Variants in PCDHGB2 observed in about 807,000 individuals in gnomAD.
PCDHGB2 encodes protocadherin gamma subfamily B, 2, also known as protocadherin gamma-B2.
A neutral mutation model predicts 59.3 loss-of-function variants in PCDHGB2; 55 were observed. That is an observed-to-expected ratio of 0.93 (90% CI 0.75 to 1.16). PCDHGB2 has a LOEUF of 1.16. PCDHGB2 is among the 50% of genes most tolerant of loss of function. The pLI is 0.00. For missense variants in PCDHGB2, 1,228 were observed against 1,198.5 expected (o/e 1.02, Z -0.36); for synonymous variants, 516 against 512.0 (o/e 1.01, Z -0.11).
At chr5:141,453,377 T>TC (rs1242854086) in intron 1 of PCDHGB2, among the ~76,000 whole-genome samples, 3 of 152,072 alleles carry the variant, frequency 2.0e-5, no homozygotes, top group Admixed American at 2.0e-4. Context: ...CAAGTGATCC[T>TC]CCTGCCTTAG....
intron 1 of PCDHGB2, chr5:141,372,656 G>T: frequency 6.2e-7 from 1 of 1,613,956 alleles, no homozygotes; most frequent in Non-Finnish European, 8.5e-7. Flanking sequence ...CCTACAATCC[G>T]TGTGCTGCCT....
Position 141,415,142 on chromosome 5 carries a change from C to A in PCDHGB2, c.2421+52586C>A, listed in dbSNP as rs757516335. On this transcript the variant is annotated intron_variant, in intron 1 of 3. Coordinates refer to ENST00000522605, the MANE Select transcript of PCDHGB2 (RefSeq NM_018923.3). The stretch of plus-strand genomic sequence containing the variant: ...GTGGCCGTCCAGGACCACGGCCAGC[C>A]CCCTCTCTCCGCCACTGTCACGCTC... 10 of 1,613,732 alleles carry A rather than the reference C, an allele frequency of 6.2e-6. 1 individual carries two copies. In the South Asian group the frequency reaches 1.1e-4, roughly 18 times the overall value.
intron 1 of PCDHGB2, chr5:141,428,390 C>T (rs1043799152): frequency 8.0e-5 from 40 of 502,004 alleles, no homozygotes; most frequent in African/African-American, 6.6e-4. Context: ...TCTTCCAGCC[C>T]CTCTGCCTGG....
At chr5:141,498,089 A>G (rs1402239680) in intron 2 of PCDHGB2, among the ~76,000 whole-genome samples, 3 of 152,370 alleles carry the variant, frequency 2.0e-5, no homozygotes, top group South Asian at 2.1e-4. Context: ...GTAGAATTGT[A>G]TCTGGTGGTG....
intron 1 of PCDHGB2, among the ~76,000 whole-genome samples, chr5:141,444,482 T>G (rs1346576719): frequency 6.6e-6 from 1 of 152,000 alleles, no homozygotes; most frequent in Non-Finnish European, 1.5e-5. Context: ...CGTACTGGAT[T>G]TATATTGTGT....
At chr5:141,411,562 C>A (rs569842846) in intron 1 of PCDHGB2, 1 of 152,054 alleles carries the variant, frequency 6.6e-6, no homozygotes, top group Non-Finnish European at 1.5e-5. Context: ...CCAGCCTGGG[C>A]GACAGAGTGC....
At position 141,431,696 on chromosome 5, in the gene PCDHGB2, G is replaced by T; in HGVS notation, c.2422-63111G>T. ...AGGGGAGTTGGACCACGAGGAGTCA[G>T]GATTCTACCAGATGGAAGTGCAAGC... On this transcript the variant is annotated intron_variant, in intron 1 of 3. Transcript: ENST00000522605. The surrounding 1 kb of genome is among the most constrained non-coding windows in gnomAD (Gnocchi z 4.8). 6.2e-7 allele frequency: 1 copy of T among 1,614,238 alleles called. No individual in the cohort carries two copies. Among genetic ancestry groups the T allele is most frequent in the Non-Finnish European group, 8.5e-7 (1 of 1,180,038 alleles).
chr5:141,501,323 A>G (rs2099807887), intron 2 of PCDHGB2, among the ~76,000 whole-genome samples: 1 of 151,850 alleles, frequency 6.6e-6, no homozygotes, highest in East Asian at 1.9e-4. Flanking sequence ...ACACACACAC[A>G]CACACACACA....
chr5:141,420,187 C>G (rs1369031488), intron 1 of PCDHGB2: 1 of 1,613,706 alleles, frequency 6.2e-7, no homozygotes, highest in East Asian at 2.2e-5. Context: ...ATTGTCCAGC[C>G]ACACAAGATA....
At position 141,511,271 on chromosome 5, in the gene PCDHGB2, C is replaced by T. The variant is rs371445452; in HGVS notation, c.*98C>T. ...GCCTCAGAGTTTCAGGGCTAACCCC[C>T]AGAATACTGGTAGGGGCCAAGGCCA... On this transcript the variant is annotated 3_prime_UTR_variant, in exon 4 of 4. Transcript: ENST00000522605. 9.1e-6 allele frequency: 14 copies of T among 1,544,094 alleles called. No individual in the cohort carries two copies. In the African/African-American group the frequency reaches 1.6e-4, roughly 18 times the overall value.
At chr5:141,469,233 C>T (rs2099194657) in intron 1 of PCDHGB2, among the ~76,000 whole-genome samples, 1 of 149,878 alleles carries the variant, frequency 6.7e-6, no homozygotes, top group African/African-American at 2.5e-5. Context: ...GCCATGATCA[C>T]CCCACTGCAC....
At chr5:141,384,646 G>A (rs1780315410) in intron 1 of PCDHGB2, 2 of 1,614,230 alleles carry the variant, frequency 1.2e-6, no homozygotes, top group Non-Finnish European at 1.7e-6. Flanking sequence ...CCGCTCCGCA[G>A]AGCCCGGCTA....
chr5:141,400,126 G>C, intron 1 of PCDHGB2: 1 of 1,614,090 alleles, frequency 6.2e-7, no homozygotes. Context: ...CTTGCAGGAG[G>C]TGCTGCCGGA....
chr5:141,490,313 C>G lies in PCDHGB2; in HGVS notation c.2422-4494C>G. The G allele has an allele frequency of 6.2e-7, 1 of 1,614,222 alleles. No individual in the cohort carries two copies. The highest frequency in any genetic ancestry group is 8.5e-7 in the Non-Finnish European group (1 of 1,180,024). Reference sequence around the variant, plus strand: ...GTGCTATTGGCCTCTTTGGCCAACCCTGTCCTAGAGAGCACACCAGTGGGC... The same window carrying G: ...GTGCTATTGGCCTCTTTGGCCAACCGTGTCCTAGAGAGCACACCAGTGGGC... On this transcript the variant is annotated intron_variant, in intron 1 of 3. Transcript: ENST00000522605. The surrounding 1 kb of genome is among the most constrained non-coding windows in gnomAD (Gnocchi z 5.4).
chr5:141,404,880 T>C, intron 1 of PCDHGB2: 2 of 1,613,896 alleles, frequency 1.2e-6, no homozygotes, highest in Non-Finnish European at 8.5e-7. Flanking sequence ...CAGAGCCTTG[T>C]GGTGGCTGTA....
intron 1 of PCDHGB2, chr5:141,399,816 G>A: frequency 1.2e-6 from 2 of 1,613,196 alleles, no homozygotes; most frequent in Non-Finnish European, 1.7e-6. Context: ...ACCCCGCGCT[G>A]GGTCCCGACG....
At chr5:141,451,224 C>G (rs2098710956) in intron 1 of PCDHGB2, among the ~76,000 whole-genome samples, 1 of 152,170 alleles carries the variant, frequency 6.6e-6, no homozygotes, top group South Asian at 2.1e-4. Flanking sequence ...TTAAAAGAAG[C>G]ATTTATTATC....
At chr5:141,463,401 A>T (rs57406832) in intron 1 of PCDHGB2, among the ~76,000 whole-genome samples, 25,027 of 149,108 alleles carry the variant, frequency 0.17, 2,158 homozygotes, top group South Asian at 0.22. Context: ...GGCAAAAAAA[A>T]TGGAGATCCT....
intron 1 of PCDHGB2, chr5:141,422,812 T>C: frequency 6.2e-7 from 1 of 1,614,206 alleles, no homozygotes; most frequent in South Asian, 1.1e-5. Context: ...GTTTCGAGAC[T>C]TAGAACTGAG....
Sources: gnomAD v4.1 joint callset for allele counts (sites outside exome capture counted in the v4.1 genomes callset) on GRCh38, gnomAD v4.1.1 for gene constraint, Gnocchi (gnomAD v3.1) non-coding constraint, MANE v1.5 for transcripts, NCBI Gene and HGNC (gene_info 2026-07-23, HGNC 2026-07-21) for gene names.